Variants in ARHGEF10 observed in about 807,000 individuals in gnomAD.
The protein encoded by ARHGEF10 is Rho guanine nucleotide exchange factor (GEF) 10.
Under a neutral mutation model 147.4 loss-of-function variants are expected in ARHGEF10, and 140 were observed. That is an observed-to-expected ratio of 0.95 (90% CI 0.83 to 1.09). The LOEUF is 1.09. ARHGEF10 is among the 50% of genes least tolerant of loss of function. The probability of loss-of-function intolerance (pLI) is 0.00; values close to 1 mark genes in which losing one functional copy is unlikely to be tolerated. For synonymous variants in ARHGEF10, 902 were observed against 695.8 expected, an observed-to-expected ratio of 1.30 and a Z score of -4.67; for missense variants, 2,222 against 1,752.7, an observed-to-expected ratio of 1.27 and a Z score of -4.78.
At chr8:1,841,495 A>G (rs1001567819) in intron 1 of ARHGEF10, among the ~76,000 whole-genome samples, 34 of 152,110 alleles carry the variant, frequency 2.2e-4, no homozygotes, top group South Asian at 6.2e-4. Context: ...TAAGCTACAG[A>G]GTGTGTTACG....
Position 1,882,780 on chromosome 8 carries a change from G to T in ARHGEF10, c.1075+31G>T, listed in dbSNP as rs753701151. ...TGCCTGCAGGTCTTCTTGCGGGGAG[G>T]ACACGGGGTTGGGGGGGGCGGCCAC... On this transcript the variant is annotated intron_variant, in intron 10 of 28. Transcript: ENST00000349830. The T allele has an allele frequency of 2.4e-5, 35 of 1,428,982 alleles. 1 individual carries two copies. Among genetic ancestry groups the T allele is most frequent in the East Asian group, 7.8e-5 (3 of 38,622 alleles). The allele number at this position is 1,428,982 out of a possible 1,614,324, so 88.5% of individuals were successfully genotyped here.
intron 1 of ARHGEF10, among the ~76,000 whole-genome samples, chr8:1,839,014 G>A (rs532748092): frequency 1.8e-4 from 28 of 152,046 alleles, no homozygotes; most frequent in African/African-American, 5.6e-4. Flanking sequence ...GATGCCGTCC[G>A]ATGTGGGGAC....
intron 17 of ARHGEF10, among the ~76,000 whole-genome samples, chr8:1,906,357 C>T (rs1042477119): frequency 1.3e-5 from 2 of 152,150 alleles, no homozygotes; most frequent in Non-Finnish European, 2.9e-5. Flanking sequence ...TTGAATCTTC[C>T]AGAGTTTTGA....
intron 27 of ARHGEF10, among the ~76,000 whole-genome samples, chr8:1,950,730 G>GTTT (rs71211528): frequency 1.8e-5 from 2 of 108,458 alleles, no homozygotes; most frequent in African/African-American, 7.3e-5. Context: ...TGTTTTTTAG[G>GTTT]TTTTTTTTTT....
intron 18 of ARHGEF10, among the ~76,000 whole-genome samples, chr8:1,921,847 G>A (rs974202628): frequency 3.9e-5 from 6 of 152,200 alleles, no homozygotes; most frequent in African/African-American, 1.2e-4. Flanking sequence ...ACCCATGGCC[G>A]GGAAGCCTGT....
At chr8:1,836,210 A>G (rs943779472) in intron 1 of ARHGEF10, among the ~76,000 whole-genome samples, 1 of 152,022 alleles carries the variant, frequency 6.6e-6, no homozygotes, top group Non-Finnish European at 1.5e-5. Flanking sequence ...AAAAAAACAC[A>G]ATCCAAATGC....
chr8:1,945,112 A>G (rs1303523057), intron 26 of ARHGEF10, among the ~76,000 whole-genome samples: 3 of 152,210 alleles, frequency 2.0e-5, no homozygotes, highest in Non-Finnish European at 4.4e-5. Flanking sequence ...CCCATGCCAT[A>G]GCTTGGAGAC....
chr8:1,884,489 C>T (rs1294706887), intron 10 of ARHGEF10, among the ~76,000 whole-genome samples: 1 of 152,140 alleles, frequency 6.6e-6, no homozygotes, highest in Non-Finnish European at 1.5e-5. Context: ...CGTTCTTCGT[C>T]CTGGTTGTAC....
chr8:1,842,685 G>T (rs1297804067), intron 1 of ARHGEF10, among the ~76,000 whole-genome samples: 1 of 152,250 alleles, frequency 6.6e-6, no homozygotes, highest in African/African-American at 2.4e-5. Context: ...GCTCTGGCGG[G>T]AGCCAGGCCC....
chr8:1,893,692 T>TA, intron 12 of ARHGEF10, 46 bp downstream of exon 12: 1 of 1,357,248 alleles, frequency 7.4e-7, no homozygotes, highest in Non-Finnish European at 1.1e-6. Flanking sequence ...CTATTATTCT[T>TA]TTTTACCTAT....
intron 18 of ARHGEF10, among the ~76,000 whole-genome samples, chr8:1,914,967 G>A (rs1329174718): frequency 6.6e-6 from 1 of 152,218 alleles, no homozygotes; most frequent in Admixed American, 6.5e-5. Context: ...AGGTCGGCGT[G>A]CCTGTGGAAT....
intron 4 of ARHGEF10, among the ~76,000 whole-genome samples, chr8:1,861,067 G>A (rs190112059): frequency 3.5e-4 from 54 of 152,330 alleles, no homozygotes; most frequent in African/African-American, 1.1e-3. Context: ...GACATGCTCC[G>A]AGCGAGGACT....
At chr8:1,843,309 T>G in intron 1 of ARHGEF10, 44 bp from the exon 2 acceptor site, 1 of 1,513,616 alleles carries the variant, frequency 6.6e-7, no homozygotes. Flanking sequence ...GAGTGCATGT[T>G]TATCCACCTG....
intron 28 of ARHGEF10, among the ~76,000 whole-genome samples, chr8:1,955,967 C>T (rs532114065): frequency 2.3e-4 from 35 of 152,302 alleles, no homozygotes; most frequent in Non-Finnish European, 3.1e-4. Flanking sequence ...ACTCTCACCA[C>T]GGTGGAAGAT....
rs1802760372 is a variant in ARHGEF10, at chr8:1,826,227, C to A, written c.-48+2114C>A. 2.5e-6 allele frequency: 3 copies of A among 1,199,910 alleles called. No individual in the cohort carries two copies. In the Admixed American group the frequency reaches 6.1e-5, roughly 24 times the overall value. 74.3% of individuals were successfully genotyped at this position (1,199,910 alleles called of 1,614,324 possible). A position where few individuals can be genotyped will look rare whatever the true frequency, so the allele number is the denominator to read the frequency against. The stretch of plus-strand genomic sequence containing the variant: ...TGAAGTTAAAAGTTATTCAGAATAG[C>A]TTTTTATGTTTTTAAAAGTTGATGC... On this transcript the variant is annotated intron_variant, in intron 1 of 28. Coordinates refer to ENST00000349830, the MANE Select transcript of ARHGEF10 (RefSeq NM_014629.4).
At chr8:1,890,341 G>A (rs981376799) in intron 11 of ARHGEF10, among the ~76,000 whole-genome samples, 19 of 151,402 alleles carry the variant, frequency 1.3e-4, no homozygotes, top group Non-Finnish European at 8.8e-5. Context: ...ACTGAGTGGG[G>A]TGAGAGTTGT....
intron 15 of ARHGEF10, among the ~76,000 whole-genome samples, chr8:1,901,984 C>T (rs909639843): frequency 1.1e-4 from 8 of 75,440 alleles, no homozygotes; most frequent in South Asian, 1.7e-3. Flanking sequence ...GACGCAGAAC[C>T]ACATTTTTTT....
At chr8:1,868,469 C>CA (rs1806807032) in intron 6 of ARHGEF10, among the ~76,000 whole-genome samples, 1 of 152,230 alleles carries the variant, frequency 6.6e-6, no homozygotes, top group East Asian at 1.9e-4. Flanking sequence ...GTAACTCTTA[C>CA]AGATATTTGA....
intron 18 of ARHGEF10, among the ~76,000 whole-genome samples, chr8:1,921,014 G>T (rs140764145): frequency 6.6e-6 from 1 of 152,146 alleles, no homozygotes; most frequent in Non-Finnish European, 1.5e-5. Flanking sequence ...TCGAACTCTC[G>T]ACCTCAGGTG....
Sources: gnomAD v4.1 joint callset for allele counts (sites outside exome capture counted in the v4.1 genomes callset) on GRCh38, gnomAD v4.1.1 for gene constraint, MANE v1.5 for transcripts, NCBI Gene and HGNC (gene_info 2026-07-23, HGNC 2026-07-21) for gene names.